DENND2A: variants seen among roughly 807,000 people sequenced by gnomAD.
The protein encoded by DENND2A is DENN domain containing 2A, also known as DENN domain-containing protein 2A.
In DENND2A, 53 loss-of-function variants were observed where a neutral mutation model predicts 105.3. That is an observed-to-expected ratio of 0.50 (90% CI 0.40 to 0.63). The LOEUF is 0.63. DENND2A is among the 30% of genes least tolerant of loss of function. The pLI, the probability that DENND2A is intolerant of heterozygous loss-of-function variation, is 0.00. For missense variants in DENND2A, 1,138 were observed against 1,279.6 expected (o/e 0.89, Z 1.69); for synonymous variants, 522 against 508.4 (o/e 1.03, Z -0.36).
chr7:140,534,080 A>ATTTTTTTTTTTTTTT (rs1479209845), intron 14 of DENND2A, among the ~76,000 whole-genome samples: 3 of 57,516 alleles, frequency 5.2e-5, no homozygotes, highest in African/African-American at 7.4e-5. Flanking sequence ...ATGCCTGGTT[A>ATTTTTTTTTTTTTTT]ATTTTTTTTT....
At chr7:140,600,067 A>T (rs529638412) in intron 3 of DENND2A, among the ~76,000 whole-genome samples, 1 of 152,162 alleles carries the variant, frequency 6.6e-6, no homozygotes, top group South Asian at 2.1e-4. Context: ...TGAAAAAGAG[A>T]GGAATTGGAG....
chr7:140,539,805 T>G (rs773797930), intron 14 of DENND2A, among the ~76,000 whole-genome samples: 7 of 152,240 alleles, frequency 4.6e-5, no homozygotes, highest in Non-Finnish European at 1.0e-4. Flanking sequence ...TCTTCCTGTC[T>G]CAGAGCTCTT....
At chr7:140,540,371 G>A (rs981373986) in intron 14 of DENND2A, among the ~76,000 whole-genome samples, 2 of 152,390 alleles carry the variant, frequency 1.3e-5, no homozygotes, top group East Asian at 3.9e-4. Flanking sequence ...GGCATGAGCC[G>A]TTTGAAAAGA....
chr7:140,539,188 G>C (rs1309839590), intron 14 of DENND2A, among the ~76,000 whole-genome samples: 1 of 152,226 alleles, frequency 6.6e-6, no homozygotes, highest in African/African-American at 2.4e-5. Context: ...CCAAACCCTT[G>C]TTTGTCATGG....
intron 14 of DENND2A, 164 bp downstream of exon 14, chr7:140,544,454 C>T: frequency 2.3e-6 from 2 of 865,840 alleles, no homozygotes; most frequent in Non-Finnish European, 3.7e-6. Flanking sequence ...CTCAGCCTCT[C>T]AAAGTGCTGA....
At chr7:140,591,666 TC>T (rs1417513827) in intron 3 of DENND2A, among the ~76,000 whole-genome samples, 8 of 145,480 alleles carry the variant, frequency 5.5e-5, no homozygotes, top group African/African-American at 1.1e-4. Context: ...TTTCTTTCTT[TC>T]TTTCTCTTTC....
intron 1 of DENND2A, among the ~76,000 whole-genome samples, chr7:140,628,556 T>A (rs946440948): frequency 1.3e-5 from 2 of 149,862 alleles, no homozygotes; most frequent in African/African-American, 4.9e-5. Flanking sequence ...TTTTTTTTTT[T>A]TGAGGTGGAG....
intron 12 of DENND2A, among the ~76,000 whole-genome samples, chr7:140,550,830 A>G (rs1797104032): frequency 6.6e-6 from 1 of 152,206 alleles, no homozygotes; most frequent in African/African-American, 2.4e-5. Context: ...ATGGTTGCAC[A>G]ACAATGTGAG....
At chr7:140,588,436 C>T (rs905152671) in intron 3 of DENND2A, among the ~76,000 whole-genome samples, 3 of 152,038 alleles carry the variant, frequency 2.0e-5, no homozygotes, top group Non-Finnish European at 4.4e-5. Context: ...AATCAGGACA[C>T]GAAGTTTCAG....
intron 3 of DENND2A, among the ~76,000 whole-genome samples, chr7:140,591,341 A>C (rs1799009987): frequency 6.6e-6 from 1 of 152,234 alleles, no homozygotes; most frequent in African/African-American, 2.4e-5. Context: ...TTCACGTTGC[A>C]AAACTAATTT....
At chr7:140,576,192 A>G (rs1306660930) in intron 5 of DENND2A, among the ~76,000 whole-genome samples, 1 of 151,970 alleles carries the variant, frequency 6.6e-6, no homozygotes, top group African/African-American at 2.4e-5. Flanking sequence ...GATATTAACT[A>G]TTTGTCAGGT....
chr7:140,538,207 G>T (rs1436458126), intron 14 of DENND2A, among the ~76,000 whole-genome samples: 1 of 152,190 alleles, frequency 6.6e-6, no homozygotes, highest in Non-Finnish European at 1.5e-5. Context: ...TCACAGCGAT[G>T]ATGAGAGAAT....
chr7:140,591,027 G>A (rs1469293316), intron 3 of DENND2A, among the ~76,000 whole-genome samples: 3 of 152,228 alleles, frequency 2.0e-5, no homozygotes, highest in African/African-American at 4.8e-5. Context: ...GGTGGGCGCA[G>A]TAGCTCACAC....
intron 14 of DENND2A, among the ~76,000 whole-genome samples, chr7:140,542,558 T>C (rs1796706821): frequency 6.7e-6 from 1 of 148,626 alleles, no homozygotes; most frequent in Non-Finnish European, 1.5e-5. Context: ...CAGTTCTTTT[T>C]CTCTCTCTTT....
intron 14 of DENND2A, among the ~76,000 whole-genome samples, chr7:140,529,136 T>G (rs1208213333): frequency 6.6e-6 from 1 of 151,956 alleles, no homozygotes; most frequent in Non-Finnish European, 1.5e-5. Context: ...AAAAAAACAC[T>G]GGGAGAAATA....
chr7:140,621,233 C>T (rs1800279942), intron 1 of DENND2A, among the ~76,000 whole-genome samples: 1 of 151,778 alleles, frequency 6.6e-6, no homozygotes, highest in Admixed American at 6.6e-5. Context: ...CAGAGTCTTG[C>T]TATGTTGCCC....
At chr7:140,566,956 A>C (rs1382028374) in intron 9 of DENND2A, 130 bp downstream of exon 9, 3 of 829,350 alleles carry the variant, frequency 3.6e-6, no homozygotes, top group African/African-American at 3.5e-5. Context: ...ATATACCCTA[A>C]TTAGGACCCA....
At chr7:140,635,963 A>G (rs1405374729) in intron 1 of DENND2A, among the ~76,000 whole-genome samples, 1 of 152,124 alleles carries the variant, frequency 6.6e-6, no homozygotes, top group African/African-American at 2.4e-5. Flanking sequence ...AAAGTAGAGA[A>G]CTTAGCTCAT....
chr7:140,545,744 T>A (rs1796868674), intron 13 of DENND2A, among the ~76,000 whole-genome samples: 1 of 152,168 alleles, frequency 6.6e-6, no homozygotes, highest in South Asian at 2.1e-4. Flanking sequence ...TGTGCATGTT[T>A]TTTTCTCTTT....
Sources: allele counts gnomAD v4.1 joint callset (sites outside exome capture counted in the v4.1 genomes callset), GRCh38; gene constraint gnomAD v4.1.1; transcripts MANE v1.5; gene names NCBI Gene and HGNC (gene_info 2026-07-23, HGNC 2026-07-21).